ARHGAP10: variants seen among roughly 807,000 people sequenced by gnomAD.
ARHGAP10 encodes the protein Rho GTPase activating protein 10, also known as rho GTPase-activating protein 10.
ARHGAP10 carries 87 observed loss-of-function variants against 108.6 expected under a neutral mutation model. The observed-to-expected ratio is 0.80, with a 90% CI of 0.67 to 0.96. The LOEUF (loss-of-function observed/expected upper bound fraction) is 0.96, where lower values mean the gene tolerates loss of function less well. ARHGAP10 is among the 40% of genes least tolerant of loss of function. The probability of loss-of-function intolerance (pLI) is 0.00; values close to 1 mark genes in which losing one functional copy is unlikely to be tolerated. For missense variants in ARHGAP10, 939 were observed against 954.5 expected (o/e 0.98, Z 0.21); for synonymous variants, 347 against 341.1 (o/e 1.02, Z -0.19).
At chr4:147,828,904 T>A (rs1487655083) in intron 3 of ARHGAP10, among the ~76,000 whole-genome samples, 2 of 144,880 alleles carry the variant, frequency 1.4e-5, no homozygotes, top group Non-Finnish European at 3.0e-5. Flanking sequence ...TGAGATGGAG[T>A]TTCGTTCTTG....
intron 18 of ARHGAP10, among the ~76,000 whole-genome samples, chr4:147,982,365 CTTT>C (rs70958599): frequency 1.6e-5 from 2 of 124,630 alleles, no homozygotes; most frequent in African/African-American, 2.9e-5. Flanking sequence ...TTCTTTCTTT[CTTT>C]TTTTTTTTTT....
At chr4:147,850,520 T>G (rs1733832917) in intron 4 of ARHGAP10, among the ~76,000 whole-genome samples, 1 of 152,106 alleles carries the variant, frequency 6.6e-6, no homozygotes, top group South Asian at 2.1e-4. Flanking sequence ...TGCGCCACCT[T>G]TAAGAGCTGT....
At chr4:148,039,030 C>T (rs1427047565) in intron 19 of ARHGAP10, among the ~76,000 whole-genome samples, 1 of 152,132 alleles carries the variant, frequency 6.6e-6, no homozygotes, top group Non-Finnish European at 1.5e-5. Context: ...GGGCTATCAA[C>T]TCCCTCTGAT....
Position 147,966,690 on chromosome 4 carries a change from C to T in ARHGAP10, c.1567C>T (p.His523Tyr). 2 of 1,564,060 alleles carry T rather than the reference C, an allele frequency of 1.3e-6. No homozygotes were observed. Among genetic ancestry groups the T allele is most frequent in the Non-Finnish European group, 1.7e-6 (2 of 1,149,872 alleles). Residue 523 changes from histidine to tyrosine, a missense_variant, in exon 18 of 23, where the codon CAC (histidine) becomes TAC (tyrosine). By Grantham distance (83) the His-to-Tyr change is moderately conservative. Transcript: ENST00000336498. ...LVKHLTNVSN[H>Y]SKQNLMTVAN... ...CCTTACCAATTTCAGTGTTTCAAAT[C>T]ACTCCAAGCAGAACCTGATGACTGT...
chr4:148,041,400 G>T (rs1226142753), intron 19 of ARHGAP10, among the ~76,000 whole-genome samples: 2 of 152,212 alleles, frequency 1.3e-5, no homozygotes, highest in East Asian at 3.8e-4. Flanking sequence ...AAGAAGAAAT[G>T]AATGAAATGG....
chr4:147,743,179 G>A (rs764831275), intron 1 of ARHGAP10, among the ~76,000 whole-genome samples: 1 of 151,596 alleles, frequency 6.6e-6, no homozygotes, highest in Non-Finnish European at 1.5e-5. Context: ...GATTACAGGC[G>A]TGCACCACCA....
intron 14 of ARHGAP10, among the ~76,000 whole-genome samples, chr4:147,944,838 G>A (rs763560819): frequency 2.0e-5 from 3 of 152,002 alleles, no homozygotes; most frequent in Admixed American, 2.0e-4. Flanking sequence ...ATCATTCGTC[G>A]TAACCCATTT....
At chr4:147,775,014 T>C (rs554530677) in intron 1 of ARHGAP10, among the ~76,000 whole-genome samples, 15 of 152,224 alleles carry the variant, frequency 9.9e-5, no homozygotes, top group African/African-American at 3.6e-4. Flanking sequence ...CAAGTGATTC[T>C]ACTGCCTCAG....
At chr4:147,763,771 T>TTTTA (rs1553947154) in intron 1 of ARHGAP10, among the ~76,000 whole-genome samples, 1 of 143,812 alleles carries the variant, frequency 7.0e-6, no homozygotes, top group Non-Finnish European at 1.5e-5. Context: ...TTTTTTTTTT[T>TTTTA]AAAAACAGAG....
intron 4 of ARHGAP10, among the ~76,000 whole-genome samples, chr4:147,847,777 G>T (rs1205307750): frequency 1.3e-5 from 2 of 152,186 alleles, no homozygotes; most frequent in African/African-American, 4.8e-5. Context: ...GTGAACCACA[G>T]ACTTTGTACT....
chr4:147,864,476 T>TG (rs1242306311), intron 5 of ARHGAP10: 1 of 178,058 alleles, frequency 5.6e-6, no homozygotes, highest in African/African-American at 2.4e-5. Flanking sequence ...GGTTCAGCCT[T>TG]GGGGCATCAG....
intron 18 of ARHGAP10, among the ~76,000 whole-genome samples, chr4:148,001,578 CTT>C (rs1442071891): frequency 6.6e-6 from 1 of 151,826 alleles, no homozygotes; most frequent in African/African-American, 2.4e-5. Flanking sequence ...TTTGTGTCCT[CTT>C]TTATTTCATT....
chr4:147,839,975 A>G (rs1467731054), intron 3 of ARHGAP10, among the ~76,000 whole-genome samples: 2 of 152,234 alleles, frequency 1.3e-5, no homozygotes, highest in Non-Finnish European at 2.9e-5. Context: ...TTGCTGTTGT[A>G]GCATGATTCT....
intron 15 of ARHGAP10, among the ~76,000 whole-genome samples, chr4:147,947,275 G>A (rs1225112677): frequency 6.7e-6 from 1 of 149,170 alleles, no homozygotes; most frequent in Non-Finnish European, 1.5e-5. Context: ...GATAAGCTCA[G>A]GGTTAGATGA....
intron 19 of ARHGAP10, among the ~76,000 whole-genome samples, chr4:148,035,559 C>T (rs1319016414): frequency 6.6e-6 from 1 of 152,122 alleles, no homozygotes; most frequent in Non-Finnish European, 1.5e-5. Context: ...CATTATAGTT[C>T]CCATTTTGTC....
At chr4:147,912,011 G>A (rs1171525654) in intron 12 of ARHGAP10, among the ~76,000 whole-genome samples, 16 of 147,764 alleles carry the variant, frequency 1.1e-4, no homozygotes, top group East Asian at 7.8e-4. Context: ...GTGTGTGTGT[G>A]TGTGTGTGTG....
intron 15 of ARHGAP10, among the ~76,000 whole-genome samples, chr4:147,952,851 T>A (rs1207861534): frequency 6.6e-6 from 1 of 152,002 alleles, no homozygotes; most frequent in Non-Finnish European, 1.5e-5. Context: ...AAAGGTTTTC[T>A]TTTTTTGTTT....
intron 19 of ARHGAP10, among the ~76,000 whole-genome samples, chr4:148,027,554 A>G (rs1727928600): frequency 1.3e-5 from 2 of 152,230 alleles, no homozygotes; most frequent in African/African-American, 4.8e-5. Context: ...GAGATGGATA[A>G]ACAATGACAC....
At position 147,864,862 on chromosome 4, in the gene ARHGAP10, A is replaced by G. The variant is rs1204632965; in HGVS notation, c.503A>G (p.Glu168Gly). The stretch of plus-strand genomic sequence containing the variant: ...TTAACATAGGCAGATATCCAAGTAG[A>G]GCAGAACCGGCAACACTTCTATGAA... ...SHLQEADIQVEQNRQHFYELS... is the reference protein window; with the variant it reads ...SHLQEADIQVGQNRQHFYELS... Residue 168 changes from glutamate to glycine, a missense_variant, in exon 6 of 23, where the codon GAG (glutamate) becomes GGG (glycine). Transcript: ENST00000336498. The G allele has an allele frequency of 6.2e-7, 1 of 1,613,688 alleles. No homozygotes were observed. Among genetic ancestry groups the G allele is most frequent in the Non-Finnish European group, 8.5e-7 (1 of 1,179,924 alleles).
Sources: gnomAD v4.1 joint callset for allele counts (sites outside exome capture counted in the v4.1 genomes callset) on GRCh38, gnomAD v4.1.1 for gene constraint, MANE v1.5 for transcripts, NCBI Gene and HGNC (gene_info 2026-07-23, HGNC 2026-07-21) for gene names.